Variants in SGIP1 observed in about 807,000 individuals in gnomAD.
The protein encoded by SGIP1 is SH3GL interacting endocytic adaptor 1.
In SGIP1, 38 loss-of-function variants were observed where a neutral mutation model predicts 107.5. That is an observed-to-expected ratio of 0.35 (90% CI 0.27 to 0.46). The LOEUF is 0.46. Ranked by LOEUF, SGIP1 falls within the 20% of genes least tolerant of loss-of-function variation. SGIP1 has a pLI of 1.00. For missense variants in SGIP1, 929 were observed against 1,019.5 expected (o/e 0.91, Z 1.21); for synonymous variants, 365 against 366.1 (o/e 1.00, Z 0.03).
intron 4 of SGIP1, among the ~76,000 whole-genome samples, chr1:66,637,939 T>G (rs1302593095): frequency 2.0e-5 from 3 of 151,748 alleles, no homozygotes; most frequent in African/African-American, 7.3e-5. Context: ...GGGCCTTAGT[T>G]ACGAAGATGA....
chr1:66,652,625 C>T (rs1255588476), intron 7 of SGIP1, among the ~76,000 whole-genome samples: 2 of 151,610 alleles, frequency 1.3e-5, no homozygotes, highest in African/African-American at 4.9e-5. Flanking sequence ...ATGTGGCCCA[C>T]CCACCCTTCC....
intron 19 of SGIP1, among the ~76,000 whole-genome samples, chr1:66,722,475 T>C (rs948369145): frequency 6.6e-6 from 1 of 152,204 alleles, no homozygotes; most frequent in Non-Finnish European, 1.5e-5. Flanking sequence ...TGGTTCACTG[T>C]TGTGTCCTCA....
intron 7 of SGIP1, among the ~76,000 whole-genome samples, chr1:66,654,267 T>C (rs1336700915): frequency 6.6e-6 from 1 of 152,170 alleles, no homozygotes; most frequent in African/African-American, 2.4e-5. Flanking sequence ...CACTACTTGA[T>C]GGGTGAACAA....
intron 1 of SGIP1, among the ~76,000 whole-genome samples, chr1:66,543,024 C>G (rs1428944687): frequency 6.6e-6 from 1 of 152,210 alleles, no homozygotes; most frequent in African/African-American, 2.4e-5. Context: ...CAAAAGCCTT[C>G]TTCAGAACTA....
chr1:66,595,665 C>T (rs2064512588), intron 1 of SGIP1, among the ~76,000 whole-genome samples: 1 of 152,020 alleles, frequency 6.6e-6, no homozygotes, highest in South Asian at 2.1e-4. Context: ...CTGACCTTTT[C>T]ATAAAATGTG....
chr1:66,747,110 A>T lies in SGIP1; in HGVS notation c.*4015A>T, dbSNP rs1482045771. ...ACTCAGATATACCACCTTTTGTGGC[A>T]TTATAAGGAAACATGTATAATCAAG... On this transcript the variant is annotated 3_prime_UTR_variant, in exon 25 of 25. Coordinates refer to ENST00000371037, the MANE Select transcript of SGIP1 (RefSeq NM_032291.4). 2.0e-5 allele frequency: 3 copies of T among 152,078 alleles called. No homozygotes were observed. The allele number at this position is 152,078 out of a possible 1,614,324, so 9.4% of individuals were successfully genotyped here. A position where few individuals can be genotyped will look rare whatever the true frequency, so the allele number is the denominator to read the frequency against.
At chr1:66,558,368 A>G (rs2058473539) in intron 1 of SGIP1, among the ~76,000 whole-genome samples, 1 of 151,966 alleles carries the variant, frequency 6.6e-6, no homozygotes, top group Non-Finnish European at 1.5e-5. Context: ...TTTTGCACCA[A>G]GCTCCACAGA....
chr1:66,597,136 G>A (rs538922888), intron 1 of SGIP1, among the ~76,000 whole-genome samples: 2 of 152,246 alleles, frequency 1.3e-5, no homozygotes, highest in East Asian at 1.9e-4. Flanking sequence ...ACAGGGGTTC[G>A]TACAGATTAT....
At chr1:66,714,750 C>T (rs1480771751) in intron 18 of SGIP1, among the ~76,000 whole-genome samples, 1 of 152,116 alleles carries the variant, frequency 6.6e-6, no homozygotes, top group East Asian at 1.9e-4. Flanking sequence ...TTCCCCAAGG[C>T]CACAGAGCTC....
At position 66,746,479 on chromosome 1, in the gene SGIP1, T is replaced by C. The variant is rs1225297544; in HGVS notation, c.*3384T>C. On this transcript the variant is annotated 3_prime_UTR_variant, in exon 25 of 25. Coordinates refer to ENST00000371037, the MANE Select transcript of SGIP1 (RefSeq NM_032291.4). ...CTGAAGTTCCACAGTTGTAATTTAC[T>C]CAGATAAACCACCTTTTGAGGCTTT... 6.6e-6 allele frequency: 1 copy of C among 152,140 alleles called. No homozygotes were observed. Among genetic ancestry groups the C allele is most frequent in the African/African-American group, 2.4e-5 (1 of 41,438 alleles). 9.4% of individuals were successfully genotyped at this position (152,140 alleles called of 1,614,324 possible). A position where few individuals can be genotyped will look rare whatever the true frequency, so the allele number is the denominator to read the frequency against.
At chr1:66,599,717 G>A (rs2065394948) in intron 1 of SGIP1, among the ~76,000 whole-genome samples, 1 of 152,124 alleles carries the variant, frequency 6.6e-6, no homozygotes, top group Admixed American at 6.5e-5. Flanking sequence ...GAGGATTTTT[G>A]TTCAGTCTGA....
At chr1:66,616,995 C>G (rs1246089924) in intron 1 of SGIP1, among the ~76,000 whole-genome samples, 1 of 152,110 alleles carries the variant, frequency 6.6e-6, no homozygotes, top group Non-Finnish European at 1.5e-5. Context: ...AGGTTCAGTG[C>G]TCAGCTCAGA....
intron 8 of SGIP1, among the ~76,000 whole-genome samples, chr1:66,662,132 C>T (rs1012341131): frequency 6.6e-6 from 1 of 152,202 alleles, no homozygotes; most frequent in East Asian, 1.9e-4. Flanking sequence ...AGTTTGTCTT[C>T]ACCCTAAAGC....
At chr1:66,595,146 G>A (rs989677670) in intron 1 of SGIP1, among the ~76,000 whole-genome samples, 17 of 152,278 alleles carry the variant, frequency 1.1e-4, no homozygotes, top group African/African-American at 3.6e-4. Context: ...GCTAAATATC[G>A]TTTTCATACA....
chr1:66,549,166 CCTTCCTTCCTTCCTTCCT>C (rs2056997583), intron 1 of SGIP1, among the ~76,000 whole-genome samples: 1 of 151,058 alleles, frequency 6.6e-6, no homozygotes, highest in South Asian at 2.1e-4. Context: ...TTCCTTCCTT[CCTTCCTTCCTTCCTTCCT>C]TCCTTCCTTC....
intron 1 of SGIP1, among the ~76,000 whole-genome samples, chr1:66,550,640 T>C (rs920293498): frequency 2.0e-5 from 3 of 152,210 alleles, no homozygotes; most frequent in African/African-American, 7.2e-5. Flanking sequence ...ATAGCTATCA[T>C]TTCTTGAGCT....
At chr1:66,720,141 G>A (rs1260466416) in intron 19 of SGIP1, among the ~76,000 whole-genome samples, 1 of 152,124 alleles carries the variant, frequency 6.6e-6, no homozygotes, top group Non-Finnish European at 1.5e-5. Flanking sequence ...TGGTTTCCCT[G>A]AAATTATATT....
chr1:66,533,666 C>T (rs930898140), upstream of SGIP1: 3 of 152,144 alleles, frequency 2.0e-5, no homozygotes, highest in African/African-American at 7.3e-5. Context: ...TTTGGAATTC[C>T]TTCAGGGTAA....
intron 18 of SGIP1, among the ~76,000 whole-genome samples, chr1:66,706,212 T>C (rs1450136409): frequency 6.6e-6 from 1 of 150,642 alleles, no homozygotes; most frequent in African/African-American, 2.4e-5. Context: ...CTTCTTGCTA[T>C]CAAACCATTT....
Sources: gnomAD v4.1 joint callset for allele counts (sites outside exome capture counted in the v4.1 genomes callset) on GRCh38, gnomAD v4.1.1 for gene constraint, MANE v1.5 for transcripts, NCBI Gene and HGNC (gene_info 2026-07-23, HGNC 2026-07-21) for gene names.